CADPS: variants seen among roughly 807,000 people sequenced by gnomAD.
CADPS encodes the protein calcium dependent secretion activator, also known as calcium-dependent secretion activator 1.
A neutral mutation model predicts 167.3 loss-of-function variants in CADPS; 57 were observed. The observed-to-expected ratio is 0.34, with a 90% CI of 0.28 to 0.42. The LOEUF (loss-of-function observed/expected upper bound fraction) is 0.42, where lower values mean the gene tolerates loss of function less well. Among genes scored for constraint, CADPS ranks in the 20% least tolerant of loss-of-function variants. The pLI is 1.00. For synonymous variants in CADPS, 676 were observed against 635.3 expected (o/e 1.06, Z -0.96); for missense variants, 1,414 against 1,738.1 (o/e 0.81, Z 3.32).
chr3:62,855,908 T>C (rs2079587895), intron 1 of CADPS, among the ~76,000 whole-genome samples: 1 of 152,208 alleles, frequency 6.6e-6, no homozygotes, highest in Non-Finnish European at 1.5e-5. Context: ...AATTTTATTG[T>C]AGTTTTGCCC....
intron 14 of CADPS, among the ~76,000 whole-genome samples, chr3:62,517,709 C>T (rs1327673851): frequency 1.3e-5 from 2 of 152,100 alleles, no homozygotes; most frequent in Non-Finnish European, 2.9e-5. Flanking sequence ...TCCACCCAGG[C>T]TGATGCAAGG....
intron 8 of CADPS, among the ~76,000 whole-genome samples, chr3:62,584,820 T>G (rs1389927987): frequency 6.6e-6 from 1 of 152,212 alleles, no homozygotes; most frequent in Non-Finnish European, 1.5e-5. Flanking sequence ...GGTTGCTGAT[T>G]GAGGTGCAAG....
At chr3:62,782,105 T>C (rs757575097) in intron 1 of CADPS, among the ~76,000 whole-genome samples, 2 of 152,176 alleles carry the variant, frequency 1.3e-5, no homozygotes, top group Non-Finnish European at 2.9e-5. Context: ...TTCTGGAATG[T>C]TGGTTAAAAA....
At chr3:62,800,608 G>A (rs545198494) in intron 1 of CADPS, among the ~76,000 whole-genome samples, 30 of 152,200 alleles carry the variant, frequency 2.0e-4, no homozygotes, top group South Asian at 1.5e-3. Flanking sequence ...ACAGATTTGC[G>A]TTATCCTTGT....
chr3:62,551,702 C>T (rs2077345272), intron 10 of CADPS, among the ~76,000 whole-genome samples: 1 of 152,230 alleles, frequency 6.6e-6, no homozygotes, highest in African/African-American at 2.4e-5. Context: ...CATGTACTCA[C>T]TTCATTGCAG....
chr3:62,455,767 T>G lies in CADPS; in HGVS notation c.3636+9600A>C, dbSNP rs2058618756. Among the ~76,000 whole-genome samples, 1 of 152,186 alleles carries G rather than the reference T, an allele frequency of 6.6e-6. No individual in the cohort carries two copies. Among genetic ancestry groups the G allele is most frequent in the Admixed American group, 6.5e-5 (1 of 15,272 alleles). ...GCTTGAAGAGGACAAGGGCCATGTC[T>G]TACTTGTGTCCCTGGCTTCCACATG... On this transcript the variant is annotated intron_variant, in intron 26 of 29. Transcript: ENST00000383710. The surrounding 1 kb of genome is among the most constrained non-coding windows in gnomAD (Gnocchi z 4.4).
At chr3:62,467,843 T>C (rs1288064158) in intron 24 of CADPS, among the ~76,000 whole-genome samples, 1 of 152,106 alleles carries the variant, frequency 6.6e-6, no homozygotes, top group African/African-American at 2.4e-5. Context: ...AAGTCTCTGT[T>C]TGGGAGATCA....
At chr3:62,693,654 G>T (rs561538813) in intron 3 of CADPS, among the ~76,000 whole-genome samples, 2 of 151,672 alleles carry the variant, frequency 1.3e-5, no homozygotes, top group African/African-American at 2.4e-5. Flanking sequence ...GCATGCTGGC[G>T]CATGCCCGTA....
chr3:62,803,967 G>A (rs1181643479), intron 1 of CADPS, among the ~76,000 whole-genome samples: 1 of 151,850 alleles, frequency 6.6e-6, no homozygotes, highest in Non-Finnish European at 1.5e-5. Flanking sequence ...CATTTCTTTT[G>A]GAAGGCCTTC....
intron 1 of CADPS, among the ~76,000 whole-genome samples, chr3:62,835,890 G>T (rs1467903963): frequency 6.6e-6 from 1 of 152,168 alleles, no homozygotes; most frequent in Admixed American, 6.5e-5. Flanking sequence ...TACTGGGGGA[G>T]TCAAACACAT....
chr3:62,466,559 C>A, intron 24 of CADPS, 146 bp from the exon 25 acceptor site: 1 of 690,632 alleles, frequency 1.4e-6, no homozygotes, highest in Non-Finnish European at 2.6e-6. Flanking sequence ...TTTATAAGAT[C>A]CTGACTCCAG....
At chr3:62,570,828 A>G in intron 9 of CADPS, 44 bp downstream of exon 9, 1 of 1,289,670 alleles carries the variant, frequency 7.8e-7, no homozygotes, top group Non-Finnish European at 1.1e-6. Flanking sequence ...CATTCTAGCA[A>G]ATCTTTAATA....
chr3:62,461,432 C>T (rs2150299676), intron 26 of CADPS, among the ~76,000 whole-genome samples: 1 of 152,262 alleles, frequency 6.6e-6, no homozygotes. Flanking sequence ...TTTTACTGTA[C>T]TCCATGGACT....
At chr3:62,702,878 A>C (rs975472065) in intron 3 of CADPS, among the ~76,000 whole-genome samples, 1 of 152,128 alleles carries the variant, frequency 6.6e-6, no homozygotes, top group Non-Finnish European at 1.5e-5. Context: ...GAATTACTTC[A>C]TTTAATCCTC....
At chr3:62,424,171 T>A (rs1364437220) in intron 28 of CADPS, among the ~76,000 whole-genome samples, 1 of 151,700 alleles carries the variant, frequency 6.6e-6, no homozygotes, top group Non-Finnish European at 1.5e-5. Flanking sequence ...TTACTCGCAG[T>A]GCAATTCTGG....
At chr3:62,493,712 C>T (rs1242514530) in intron 18 of CADPS, 47 bp from the exon 19 acceptor site, 1 of 1,527,730 alleles carries the variant, frequency 6.5e-7, no homozygotes, top group East Asian at 2.5e-5. Context: ...GACCATTCTG[C>T]AAGGTTGGCT....
intron 28 of CADPS, among the ~76,000 whole-genome samples, chr3:62,419,696 T>C (rs965377872): frequency 6.6e-6 from 1 of 152,076 alleles, no homozygotes; most frequent in Non-Finnish European, 1.5e-5. Context: ...GCTTCTTAGG[T>C]ATGGGAACTG....
chr3:62,464,917 A>G (rs1434988489), intron 26 of CADPS, among the ~76,000 whole-genome samples: 1 of 152,204 alleles, frequency 6.6e-6, no homozygotes, highest in African/African-American at 2.4e-5. Context: ...TTTTAAATGT[A>G]GGCAATTCAG....
chr3:62,873,613 G>T (rs1021082053), intron 1 of CADPS, among the ~76,000 whole-genome samples: 2 of 115,200 alleles, frequency 1.7e-5, no homozygotes, highest in African/African-American at 7.3e-5. Flanking sequence ...ATAGAAATAG[G>T]CGCCTTTTTT....
Sources: allele counts gnomAD v4.1 joint callset (sites outside exome capture counted in the v4.1 genomes callset), GRCh38; gene constraint gnomAD v4.1.1; non-coding constraint Gnocchi (gnomAD v3.1); transcripts MANE v1.5; gene names NCBI Gene and HGNC (gene_info 2026-07-23, HGNC 2026-07-21).